The following MYO3B variants were observed in gnomAD, a reference collection of about 807,000 sequenced individuals.
MYO3B encodes myosin IIIB, also known as myosin-IIIb.
MYO3B carries 156 observed loss-of-function variants against 174.6 expected under a neutral mutation model. That is an observed-to-expected ratio of 0.89 (90% CI 0.78 to 1.02). The LOEUF is 1.02. Among genes scored for constraint, MYO3B ranks in the 50% least tolerant of loss-of-function variants. MYO3B has a pLI of 0.00. For missense variants in MYO3B, 1,632 were observed against 1,639.4 expected, an observed-to-expected ratio of 1.00 and a Z score of 0.08; for synonymous variants, 563 against 569.1, an observed-to-expected ratio of 0.99 and a Z score of 0.15.
At chr2:170,232,488 G>A (rs886852394) in intron 6 of MYO3B, among the ~76,000 whole-genome samples, 5 of 152,224 alleles carry the variant, frequency 3.3e-5, no homozygotes, top group East Asian at 1.9e-4. Flanking sequence ...ACACCTGAGC[G>A]TAGTCAAAAT....
At chr2:170,516,779 A>G (rs1029405527) in intron 29 of MYO3B, among the ~76,000 whole-genome samples, 2 of 152,236 alleles carry the variant, frequency 1.3e-5, no homozygotes. Context: ...CCCTGATGAA[A>G]GGTGACCCAT....
At chr2:170,570,919 G>T (rs934357302) in intron 32 of MYO3B, among the ~76,000 whole-genome samples, 1 of 152,040 alleles carries the variant, frequency 6.6e-6, no homozygotes, top group African/African-American at 2.4e-5. Flanking sequence ...GAATGTAGAT[G>T]GAACTCAATC....
intron 32 of MYO3B, among the ~76,000 whole-genome samples, chr2:170,552,590 C>T (rs6729625): frequency 0.77 from 117,108 of 152,148 alleles, 45,594 homozygotes; most frequent in African/African-American, 0.87. Context: ...GAAACTAGAA[C>T]GTTTATTTAA....
rs540464881 is a variant in MYO3B, at chr2:170,227,760, T to G, written c.604-8231T>G. On this transcript the variant is annotated intron_variant, in intron 6 of 34. Transcript: ENST00000408978. ...AGTGGGAACTTTCAGATACTCTGATTGATTTGCTTCCCTTCCTGTTTTTCA... is the reference window on the plus strand; with the variant it reads ...AGTGGGAACTTTCAGATACTCTGATGGATTTGCTTCCCTTCCTGTTTTTCA... Among the ~76,000 whole-genome samples the G allele has an allele frequency of 3.3e-5, 5 of 152,326 alleles. No individual in the cohort carries two copies. In the South Asian group the frequency reaches 8.3e-4, roughly 25 times the overall value.
chr2:170,276,117 A>T (rs1172845410), intron 7 of MYO3B, among the ~76,000 whole-genome samples: 1 of 152,206 alleles, frequency 6.6e-6, no homozygotes, highest in African/African-American at 2.4e-5. Context: ...TGGTCACTTT[A>T]GACAAATGAA....
intron 32 of MYO3B, among the ~76,000 whole-genome samples, chr2:170,634,080 T>C (rs1260911832): frequency 2.0e-5 from 3 of 152,142 alleles, no homozygotes; most frequent in Non-Finnish European, 4.4e-5. Flanking sequence ...CCCATCAAGC[T>C]ACCAATGACT....
chr2:170,631,852 C>T (rs1276409992), intron 32 of MYO3B, among the ~76,000 whole-genome samples: 5 of 152,146 alleles, frequency 3.3e-5, no homozygotes, highest in Non-Finnish European at 7.3e-5. Context: ...TGCAATGCTA[C>T]TCTCTGATAA....
At chr2:170,205,715 A>T (rs2092707389) in intron 3 of MYO3B, among the ~76,000 whole-genome samples, 1 of 151,960 alleles carries the variant, frequency 6.6e-6, no homozygotes, top group Admixed American at 6.6e-5. Context: ...GCCTCTCTTG[A>T]TTACGTCAAT....
intron 7 of MYO3B, among the ~76,000 whole-genome samples, chr2:170,270,735 G>T (rs769284974): frequency 2.6e-5 from 4 of 152,178 alleles, no homozygotes; most frequent in African/African-American, 9.7e-5. Flanking sequence ...AGGAGAGGAC[G>T]TAGCAGGGTT....
intron 22 of MYO3B, among the ~76,000 whole-genome samples, chr2:170,434,758 C>T (rs1192405305): frequency 6.6e-6 from 1 of 152,204 alleles, no homozygotes; most frequent in Non-Finnish European, 1.5e-5. Context: ...TCATATCTAA[C>T]AAACAGATCC....
chr2:170,388,845 T>C (rs2094393574), intron 14 of MYO3B, among the ~76,000 whole-genome samples: 1 of 152,194 alleles, frequency 6.6e-6, no homozygotes, highest in African/African-American at 2.4e-5. Flanking sequence ...TACTTGCAGT[T>C]TCCTCACGCA....
At chr2:170,413,768 G>A (rs1288522191) in intron 22 of MYO3B, among the ~76,000 whole-genome samples, 4 of 152,036 alleles carry the variant, frequency 2.6e-5, no homozygotes, top group African/African-American at 7.2e-5. Context: ...GGCCGGGTGC[G>A]GTGGCTCATG....
chr2:170,448,142 T>C (rs188212409), intron 23 of MYO3B, among the ~76,000 whole-genome samples: 12 of 152,334 alleles, frequency 7.9e-5, no homozygotes, highest in Admixed American at 2.6e-4. Flanking sequence ...AAAGGCAGTC[T>C]AGTCCCCAGG....
intron 7 of MYO3B, among the ~76,000 whole-genome samples, chr2:170,263,277 G>T (rs941420373): frequency 3.3e-5 from 5 of 152,170 alleles, no homozygotes; most frequent in Non-Finnish European, 7.3e-5. Flanking sequence ...AATTGGGCTG[G>T]GTTGGAAGGT....
chr2:170,650,551 G>A (rs1411486370), intron 32 of MYO3B, among the ~76,000 whole-genome samples: 2 of 151,878 alleles, frequency 1.3e-5, no homozygotes, highest in Admixed American at 1.3e-4. Flanking sequence ...CTATGACAGA[G>A]GTGTGTGTGT....
chr2:170,229,012 ATTATGTATCATCATAG>A (rs1179957916), intron 6 of MYO3B, among the ~76,000 whole-genome samples: 2 of 151,288 alleles, frequency 1.3e-5, no homozygotes, highest in Non-Finnish European at 2.9e-5. Context: ...CTCTCTTGAA[ATTATGTATCATCATAG>A]GTAAGAAACT....
intron 1 of MYO3B, among the ~76,000 whole-genome samples, chr2:170,185,837 G>A (rs187761843): frequency 7.5e-5 from 11 of 147,070 alleles, no homozygotes; most frequent in Non-Finnish European, 1.4e-4. Flanking sequence ...GTGTTTTATA[G>A]TTTTCGTTGT....
chr2:170,217,722 C>G (rs6433180), intron 6 of MYO3B, among the ~76,000 whole-genome samples: 95,533 of 152,074 alleles, frequency 0.63, 31,376 homozygotes, highest in African/African-American at 0.84. Flanking sequence ...TCCCTGGATA[C>G]ATGCAGCCCC....
chr2:170,244,450 T>C (rs561525319), intron 7 of MYO3B, among the ~76,000 whole-genome samples: 1 of 152,286 alleles, frequency 6.6e-6, no homozygotes, highest in East Asian at 1.9e-4. Flanking sequence ...TTGTTGCAGA[T>C]AAGTTCAGGT....
Sources: allele counts gnomAD v4.1 joint callset (sites outside exome capture counted in the v4.1 genomes callset), GRCh38; gene constraint gnomAD v4.1.1; transcripts MANE v1.5; gene names NCBI Gene and HGNC (gene_info 2026-07-23, HGNC 2026-07-21).